Variants in SCRG1 observed in about 807,000 individuals in gnomAD.
SCRG1 encodes scrapie-responsive protein 1.
Under a neutral mutation model 7.7 loss-of-function variants are expected in SCRG1, and 3 were observed. The ratio of observed to expected loss-of-function variants is 0.39; its 90% CI spans 0.18 to 1.01. The LOEUF (loss-of-function observed/expected upper bound fraction) is 1.01, where lower values mean the gene tolerates loss of function less well. Among genes scored for constraint, SCRG1 ranks in the 50% least tolerant of loss-of-function variants. SCRG1 has a pLI of 0.36. For missense variants in SCRG1, 110 were observed against 117.2 expected, an observed-to-expected ratio of 0.94 and a Z score of 0.28; for synonymous variants, 46 against 41.2, an observed-to-expected ratio of 1.12 and a Z score of -0.44.
the SCRG1 span, among the ~76,000 whole-genome samples, chr4:173,442,403 A>C: frequency 6.6e-6 from 1 of 152,212 alleles, no homozygotes; most frequent in Non-Finnish European, 1.5e-5. Flanking sequence ...GTGACGGAAC[A>C]GATGATGCAG....
At chr4:173,402,070 T>C (rs1176390753), upstream of SCRG1, among the ~76,000 whole-genome samples, 1 of 152,200 alleles carries the variant, frequency 6.6e-6, no homozygotes, top group Non-Finnish European at 1.5e-5. Context: ...AGACCTCTTA[T>C]CGAACCCGCT....
chr4:173,464,832 A>T, the SCRG1 span, among the ~76,000 whole-genome samples: 2 of 152,218 alleles, frequency 1.3e-5, no homozygotes. Flanking sequence ...CAAAAGGTAG[A>T]AACAACCCAA....
At chr4:173,430,275 G>T in the SCRG1 span, among the ~76,000 whole-genome samples, 48 of 152,274 alleles carry the variant, frequency 3.2e-4, no homozygotes, top group Middle Eastern at 3.4e-3. Context: ...ACCCTAGGCT[G>T]CTCTCACTCA....
At chr4:173,390,888 G>A (rs552046161) in intron 2 of SCRG1, among the ~76,000 whole-genome samples, 42 of 152,056 alleles carry the variant, frequency 2.8e-4, no homozygotes, top group Non-Finnish European at 4.9e-4. Flanking sequence ...TTTTATTTTT[G>A]GGGGGGTAAA....
In SCRG1 at chr4:173,385,907, A is replaced by G. The variant is rs1020891573; in HGVS notation, c.*2434T>C. ...GCTGATAGTTTTTTTAAATTTACCT[A>G]TTCTATGCATTGTTCCAGAATGGAT... On this transcript the variant is annotated 3_prime_UTR_variant, in exon 3 of 3. Transcript: ENST00000296506. 6.6e-6 allele frequency: 1 copy of G among 152,160 alleles called. No homozygotes were observed. The highest frequency in any genetic ancestry group is 1.5e-5 in the Non-Finnish European group (1 of 68,030). The allele number at this position is 152,160 out of a possible 1,614,324, so 9.4% of individuals were successfully genotyped here. A position where few individuals can be genotyped will look rare whatever the true frequency, so the allele number is the denominator to read the frequency against.
the SCRG1 span, among the ~76,000 whole-genome samples, chr4:173,440,566 A>G: frequency 1.3e-5 from 2 of 152,194 alleles, no homozygotes; most frequent in Admixed American, 6.5e-5. Flanking sequence ...GGGAACGGAG[A>G]CATATACACG....
chr4:173,515,715 G>A, the SCRG1 span, among the ~76,000 whole-genome samples: 1,224 of 152,150 alleles, frequency 8.0e-3, 34 homozygotes, highest in East Asian at 0.065. The surrounding 1 kb of genome is among the most constrained non-coding windows in gnomAD (Gnocchi z 4.6). Flanking sequence ...ACGACTTCAG[G>A]TGGCCCTCTG....
intron 2 of SCRG1, chr4:173,389,536 A>AAAAC (rs57097016): frequency 0.13 from 23,896 of 185,678 alleles, 1,682 homozygotes; most frequent in African/African-American, 0.14. Context: ...ATTCCGTCTC[A>AAAAC]AAACAAACAA....
chr4:173,485,050 ATATATTATATATTATATATT>A, the SCRG1 span, among the ~76,000 whole-genome samples: 8 of 7,622 alleles, frequency 1.0e-3, 1 homozygote, highest in African/African-American at 2.6e-3. Context: ...ATATTATATA[ATATATTATATATTATATATT>A]ATATATTATA....
chr4:173,415,960 T>C, the SCRG1 span, among the ~76,000 whole-genome samples: 344 of 152,250 alleles, frequency 2.3e-3, 6 homozygotes, highest in East Asian at 0.055. Context: ...AAAGGCTGAT[T>C]GTCATATTGA....
At chr4:173,500,617 C>T in the SCRG1 span, among the ~76,000 whole-genome samples, 2 of 152,094 alleles carry the variant, frequency 1.3e-5, no homozygotes, top group African/African-American at 4.8e-5. Context: ...GTAGCTTGGA[C>T]TACAGGCCTC....
the SCRG1 span, among the ~76,000 whole-genome samples, chr4:173,450,286 C>G: frequency 6.6e-6 from 1 of 152,202 alleles, no homozygotes; most frequent in Admixed American, 6.5e-5. Context: ...CCCACCAGGT[C>G]TTTCCTTTGA....
intron 2 of SCRG1, chr4:173,389,572 C>CAAACA (rs1342508192): frequency 5.0e-6 from 1 of 198,806 alleles, no homozygotes; most frequent in Non-Finnish European, 1.0e-5. Context: ...AACAAACAAA[C>CAAACA]AACCATAATT....
upstream of SCRG1, among the ~76,000 whole-genome samples, chr4:173,402,093 GA>G (rs571580222): frequency 7.0e-4 from 106 of 152,188 alleles, 2 homozygotes; most frequent in South Asian, 0.021. Flanking sequence ...ATGTTGCTCT[GA>G]AGACCACCTG....
chr4:173,394,476 C>G (rs1379015617), intron 1 of SCRG1, among the ~76,000 whole-genome samples: 1 of 152,076 alleles, frequency 6.6e-6, no homozygotes, highest in Admixed American at 6.5e-5. Context: ...AACCCTGTCT[C>G]TACTAAAAAT....
upstream of SCRG1, among the ~76,000 whole-genome samples, chr4:173,406,795 T>C (rs1739917547): frequency 1.3e-5 from 2 of 152,252 alleles, no homozygotes; most frequent in Non-Finnish European, 2.9e-5. Flanking sequence ...CTATGTATTT[T>C]CATGGCTTGA....
At chr4:173,395,550 C>G (rs1012790208) in intron 1 of SCRG1, among the ~76,000 whole-genome samples, 4 of 152,196 alleles carry the variant, frequency 2.6e-5, no homozygotes, top group Non-Finnish European at 4.4e-5. Context: ...CACCCCTTCC[C>G]TTGATATTAA....
At chr4:173,503,494 T>C in the SCRG1 span, among the ~76,000 whole-genome samples, 2 of 150,780 alleles carry the variant, frequency 1.3e-5, no homozygotes, top group African/African-American at 4.9e-5. The surrounding 1 kb of genome is among the most constrained non-coding windows in gnomAD (Gnocchi z 6.4). Context: ...GGGAGGGGAG[T>C]GTTGCAAGGG....
At chr4:173,403,760 G>A (rs1287016126), upstream of SCRG1, among the ~76,000 whole-genome samples, 3 of 152,166 alleles carry the variant, frequency 2.0e-5, no homozygotes, top group Non-Finnish European at 4.4e-5. Context: ...TCTCTAAGGG[G>A]CATTGGACTG....
Sources: allele counts gnomAD v4.1 joint callset (sites outside exome capture counted in the v4.1 genomes callset), GRCh38; gene constraint gnomAD v4.1.1; non-coding constraint Gnocchi (gnomAD v3.1); transcripts MANE v1.5; gene names NCBI Gene and HGNC (gene_info 2026-07-23, HGNC 2026-07-21).